Variants in SLC26A4 observed in about 807,000 individuals in gnomAD.
The protein encoded by SLC26A4 is pendrin.
A neutral mutation model predicts 90.4 loss-of-function variants in SLC26A4; 93 were observed. The ratio of observed to expected loss-of-function variants is 1.03; its 90% confidence interval spans 0.87 to 1.22. The LOEUF is 1.22. Ranked by LOEUF, SLC26A4 falls within the 50% of genes most tolerant of loss-of-function variation. SLC26A4 has a pLI of 0.00. For synonymous variants in SLC26A4, 393 were observed against 354.6 expected (o/e 1.11, Z -1.22); for missense variants, 1,127 against 946.2 (o/e 1.19, Z -2.51).
rs1478571726 is a variant in SLC26A4 at position 107,661,682 on chromosome 7, C to G, written c.41C>G (p.Pro14Arg). 7 of 1,572,562 alleles carry G rather than the reference C, an allele frequency of 4.5e-6. No homozygotes were observed. Among genetic ancestry groups the G allele is most frequent in the African/African-American group, 4.0e-5 (3 of 74,316 alleles). The stretch of plus-strand genomic sequence containing the variant: ...GGCAGGTCGGAGCCGCCGCAGCTCC[C>G]CGAGTACAGCTGCAGCTACATGGTG... ...PGGRSEPPQL[P>R]EYSCSYMVSR... The change falls in exon 2 of 21, where the codon CCC becomes CGC. Residue 14 changes from proline to arginine, a missense_variant. By Grantham distance (103) the Pro-to-Arg change is moderately radical. Coordinates refer to ENST00000644269, the MANE Select transcript of SLC26A4 (RefSeq NM_000441.2). The surrounding 1 kb of genome is among the most constrained non-coding windows in gnomAD (Gnocchi z 5.1).
intron 19 of SLC26A4, among the ~76,000 whole-genome samples, chr7:107,710,694 C>A (rs981430743): frequency 3.0e-4 from 45 of 152,152 alleles, no homozygotes; most frequent in Admixed American, 1.3e-4. Context: ...ATAGAATAGG[C>A]CCTGATGGGA....
In SLC26A4 at chr7:107,661,522, G is replaced by GC; in HGVS notation, c.-3-116dup. On this transcript the variant is annotated intron_variant, in intron 1 of 20. Coordinates refer to ENST00000644269, the MANE Select transcript of SLC26A4 (RefSeq NM_000441.2). The surrounding 1 kb of genome is among the most constrained non-coding windows in gnomAD (Gnocchi z 5.1). ...GCAGGACGCGGACCAGACTCGCGGT[G>GC]CAGGGGGGCCTGGCTGCAGCTAACA... The GC allele has an allele frequency of 8.5e-7, 1 of 1,172,992 alleles. No individual in the cohort carries two copies. Among genetic ancestry groups the GC allele is most frequent in the South Asian group, 1.3e-5 (1 of 74,170 alleles). 72.7% of individuals were successfully genotyped at this position (1,172,992 alleles called of 1,614,324 possible).
At chr7:107,679,952 A>G (rs1264823426) in intron 6 of SLC26A4, among the ~76,000 whole-genome samples, 3 of 124,410 alleles carry the variant, frequency 2.4e-5, no homozygotes, top group East Asian at 2.2e-4. Flanking sequence ...CTTATCTTAT[A>G]TAATATAATC....
Position 107,701,974 on chromosome 7 carries a change from C to T in SLC26A4, c.1951C>T (p.Pro651Ser). Reference protein sequence around the residue: ...NSELPVKVNVPKVPIHSLVLD... With the variant: ...NSELPVKVNVSKVPIHSLVLD... Reference sequence around the variant, plus strand: ...TGAGCTTCCAGTCAAAGTGAACGTTCCCAAAGTGCCAATCCATAGCCTTGT... The same window carrying T: ...TGAGCTTCCAGTCAAAGTGAACGTTTCCAAAGTGCCAATCCATAGCCTTGT... The change falls in exon 17 of 21, where the codon CCC becomes TCC. Residue 651 changes from proline (P) to serine (S), a missense_variant. Coordinates refer to ENST00000644269, the MANE Select transcript of SLC26A4 (RefSeq NM_000441.2). The T allele has an allele frequency of 6.2e-7, 1 of 1,613,992 alleles. No homozygotes were observed. The highest frequency in any genetic ancestry group is 1.1e-5 in the South Asian group (1 of 91,076).
In SLC26A4 at chr7:107,661,398, G is replaced by A. The variant is rs1318224116; in HGVS notation, c.-3-241G>A. The A allele has an allele frequency of 1.4e-5, 8 of 590,556 alleles. No individual in the cohort carries two copies. Among genetic ancestry groups the A allele is most frequent in the African/African-American group, 3.7e-5 (2 of 53,406 alleles). 36.6% of individuals were successfully genotyped at this position (590,556 alleles called of 1,614,324 possible). On this transcript the variant is annotated intron_variant, in intron 1 of 20. Transcript: ENST00000644269. The surrounding 1 kb of genome is among the most constrained non-coding windows in gnomAD (Gnocchi z 5.1). ...ACTCGCTTCAAGTTTGGGGAACCCC[G>A]GGCAGCGGGTGCAGGCCACGAGACC...
chr7:107,661,554 C>G lies in SLC26A4; in HGVS notation c.-3-85C>G, dbSNP rs899950401. On this transcript the variant is annotated intron_variant, in intron 1 of 20. Coordinates refer to ENST00000644269, the MANE Select transcript of SLC26A4 (RefSeq NM_000441.2). The surrounding 1 kb of genome is among the most constrained non-coding windows in gnomAD (Gnocchi z 5.1). ...GGCCTGGCTGCAGCTAACAGGTGAT[C>G]CCGTTCTTTCTGTTCCTCGCTCTTC... The G allele has an allele frequency of 1.4e-6, 2 of 1,405,314 alleles. No individual in the cohort carries two copies. Among genetic ancestry groups the G allele is most frequent in the Non-Finnish European group, 1.9e-6 (2 of 1,029,036 alleles). The allele number at this position is 1,405,314 out of a possible 1,614,324, so 87.1% of individuals were successfully genotyped here. A position where few individuals can be genotyped will look rare whatever the true frequency, so the allele number is the denominator to read the frequency against.
Position 107,715,518 on chromosome 7 carries a change from C to A in SLC26A4, c.*72C>A. On this transcript the variant is annotated 3_prime_UTR_variant, in exon 21 of 21. Coordinates refer to ENST00000644269, the MANE Select transcript of SLC26A4 (RefSeq NM_000441.2). ...TTCCTCAATGCATTGACTATTTCTT[C>A]AGACTCAAAACACTCATTCTTTTTT... 9.1e-7 allele frequency: 1 copy of A among 1,102,462 alleles called. No individual in the cohort carries two copies. Among genetic ancestry groups the A allele is most frequent in the Non-Finnish European group, 1.4e-6 (1 of 712,444 alleles). The allele number at this position is 1,102,462 out of a possible 1,614,324, so 68.3% of individuals were successfully genotyped here.
intron 9 of SLC26A4, 46 bp from the exon 10 acceptor site, chr7:107,690,078 C>A (rs762077933): frequency 1.8e-6 from 2 of 1,131,280 alleles, no homozygotes; most frequent in South Asian, 1.2e-5. Context: ...GAAGGTCTTG[C>A]AAAGATTCAA....
intron 14 of SLC26A4, among the ~76,000 whole-genome samples, chr7:107,699,046 T>C: frequency 6.6e-6 from 1 of 152,180 alleles, no homozygotes; most frequent in Admixed American, 6.5e-5. Context: ...TTAAAAAAAG[T>C]TGGACCTTGA....
intron 9 of SLC26A4, among the ~76,000 whole-genome samples, 181 bp downstream of exon 9, chr7:107,689,381 C>G (rs532074542): frequency 2.3e-4 from 35 of 152,300 alleles, no homozygotes; most frequent in African/African-American, 8.4e-4. Flanking sequence ...CACTGCATCA[C>G]TTTGCTTTTT....
rs1791302395 is a variant in SLC26A4 at position 107,683,313 on chromosome 7, A to G, written c.877A>G (p.Arg293Gly). ...MAVKELNDRF[R>G]HKIPVPIPIE... Reference sequence around the variant, plus strand: ...AGTTAAGGAATTAAATGATCGGTTTAGACACAAAATCCCAGTCCCTATTCC... The same window carrying G: ...AGTTAAGGAATTAAATGATCGGTTTGGACACAAAATCCCAGTCCCTATTCC... Residue 293 changes from arginine to glycine, a missense_variant, in exon 7 of 21, where the codon AGA becomes GGA. Arg to Gly is a moderately radical substitution (Grantham distance 125). Transcript: ENST00000644269. The G allele has an allele frequency of 3.7e-6, 6 of 1,613,818 alleles. No homozygotes were observed. The highest frequency in any genetic ancestry group is 5.1e-6 in the Non-Finnish European group (6 of 1,179,786).
chr7:107,674,438 C>T, intron 5 of SLC26A4, 90 bp downstream of exon 5: 1 of 1,092,392 alleles, frequency 9.2e-7, no homozygotes, highest in Admixed American at 1.9e-5. Context: ...CTACTAAAAA[C>T]AAAACAAAGT....
At chr7:107,715,203 C>G (rs961065356) in intron 20 of SLC26A4, among the ~76,000 whole-genome samples, 36 of 150,994 alleles carry the variant, frequency 2.4e-4, no homozygotes, top group Admixed American at 1.3e-4. Context: ...CCACAGCACT[C>G]CAGCCTGGGC....
At chr7:107,663,542 A>C (rs551267964) in intron 3 of SLC26A4, 107 bp downstream of exon 3, 1 of 1,245,672 alleles carries the variant, frequency 8.0e-7, no homozygotes, top group African/African-American at 1.5e-5. Context: ...CAAGGCCTGT[A>C]TCTTTCCTGT....
chr7:107,704,476 C>CTTTTTTTTTTTTT, intron 18 of SLC26A4, 91 bp downstream of exon 18: 1 of 529,826 alleles, frequency 1.9e-6, no homozygotes, highest in Non-Finnish European at 3.4e-6. Context: ...GTCTGAAGGC[C>CTTTTTTTTTTTTT]TTTTTTTTTT....
intron 6 of SLC26A4, among the ~76,000 whole-genome samples, chr7:107,676,537 G>A (rs1324636733): frequency 6.6e-6 from 1 of 152,176 alleles, no homozygotes; most frequent in Admixed American, 6.5e-5. Flanking sequence ...CTAAAAATGT[G>A]TTCTACATAA....
chr7:107,702,117 G>T, intron 17 of SLC26A4, 60 bp downstream of exon 17: 1 of 1,127,144 alleles, frequency 8.9e-7, no homozygotes, highest in Middle Eastern at 1.9e-4. Context: ...AAATGATGTG[G>T]GTTGTCCAGT....
chr7:107,709,964 G>T, intron 18 of SLC26A4, 90 bp from the exon 19 acceptor site: 1 of 1,121,024 alleles, frequency 8.9e-7, no homozygotes, highest in South Asian at 1.3e-5. Flanking sequence ...CTGCACTCCA[G>T]CCTGGGCAAT....
At chr7:107,682,360 T>A (rs1228268518) in intron 6 of SLC26A4, among the ~76,000 whole-genome samples, 1 of 151,892 alleles carries the variant, frequency 6.6e-6, no homozygotes, top group Non-Finnish European at 1.5e-5. Context: ...AAACTACAGA[T>A]TCAATTCAGC....
Sources: allele counts gnomAD v4.1 joint callset (sites outside exome capture counted in the v4.1 genomes callset), GRCh38; gene constraint gnomAD v4.1.1; non-coding constraint Gnocchi (gnomAD v3.1); transcripts MANE v1.5; gene names NCBI Gene and HGNC (gene_info 2026-07-23, HGNC 2026-07-21).